Variants in COL22A1 observed in about 807,000 individuals in gnomAD.
The protein encoded by COL22A1 is collagen alpha-1(XXII) chain.
COL22A1 carries 221 observed loss-of-function variants against 248.9 expected under a neutral mutation model. The observed-to-expected ratio is 0.89, with a 90% CI of 0.80 to 0.99. COL22A1 has a LOEUF of 0.99. Ranked by LOEUF, COL22A1 falls within the 50% of genes least tolerant of loss-of-function variation. The probability of loss-of-function intolerance (pLI) is 0.00; values close to 1 mark genes in which losing one functional copy is unlikely to be tolerated. For missense variants in COL22A1, 2,240 were observed against 2,179.0 expected (o/e 1.03, Z -0.56); for synonymous variants, 891 against 793.4 (o/e 1.12, Z -2.07).
chr8:138,888,567 A>C (rs1024342926), intron 1 of COL22A1, among the ~76,000 whole-genome samples: 1 of 152,228 alleles, frequency 6.6e-6, no homozygotes, highest in African/African-American at 2.4e-5. Flanking sequence ...AAGTGCACTC[A>C]GGTCTTACCA....
In COL22A1 at chr8:138,710,175, G is replaced by C. The variant is rs28419605; in HGVS notation, c.2517+5507C>G. The stretch of plus-strand genomic sequence containing the variant: ...CAGCTCACAGCATGGCACAGAGATT[G>C]AGCAAGACCGTAAGGAGTACGGTGT... On this transcript the variant is annotated intron_variant, in intron 30 of 64. Coordinates refer to ENST00000303045, the MANE Select transcript of COL22A1 (RefSeq NM_152888.3). Among the ~76,000 whole-genome samples, 896 of 152,330 alleles carry C rather than the reference G, an allele frequency of 5.9e-3. 8 individuals are homozygous for C. The highest frequency in any genetic ancestry group is 0.021 in the African/African-American group (859 of 41,578).
chr8:138,652,609 T>C (rs983291368), intron 45 of COL22A1, among the ~76,000 whole-genome samples: 6 of 152,144 alleles, frequency 3.9e-5, no homozygotes, highest in Non-Finnish European at 2.9e-5. Flanking sequence ...TTGTGAAATT[T>C]AAATAAAATA....
rs149312345 is a variant in COL22A1 at position 138,648,596 on chromosome 8, C to T, written c.3447+1069G>A. ...AAGGCAAAGAAGGCTTTTTTTTTTC[C>T]AGTTTGATGACCCAGGAATGTCTTT... On this transcript the variant is annotated intron_variant, in intron 46 of 64. Coordinates refer to ENST00000303045, the MANE Select transcript of COL22A1 (RefSeq NM_152888.3). Among the ~76,000 whole-genome samples, 900 of 150,350 alleles carry T rather than the reference C, an allele frequency of 6.0e-3. 7 individuals are homozygous for T. Among genetic ancestry groups the T allele is most frequent in the African/African-American group, 0.021 (864 of 41,004 alleles).
intron 41 of COL22A1, 73 bp from the exon 42 acceptor site, chr8:138,663,813 T>TAAACA: frequency 1.7e-6 from 2 of 1,175,484 alleles, no homozygotes; most frequent in African/African-American, 1.5e-5. Flanking sequence ...TGGTGTTTAT[T>TAAACA]CCATAGACAG....
intron 6 of COL22A1, among the ~76,000 whole-genome samples, chr8:138,824,447 C>T (rs1446303936): frequency 6.6e-6 from 1 of 152,186 alleles, no homozygotes; most frequent in Non-Finnish European, 1.5e-5. Context: ...TCCACACTTG[C>T]CTGGATCACT....
chr8:138,802,830 G>A (rs368311432), intron 11 of COL22A1, 42 bp downstream of exon 11: 60 of 1,532,514 alleles, frequency 3.9e-5, no homozygotes, highest in Admixed American at 1.2e-4. Context: ...CCCCACGCCC[G>A]CCCTGAGGTT....
intron 62 of COL22A1, 46 bp from the exon 63 acceptor site, chr8:138,594,245 G>T (rs1817334541): frequency 6.6e-7 from 1 of 1,523,922 alleles, no homozygotes; most frequent in Non-Finnish European, 8.8e-7. Flanking sequence ...ACAGATAGTG[G>T]ACATAGGACA....
chr8:138,619,049 T>A (rs1819551585), intron 53 of COL22A1, among the ~76,000 whole-genome samples: 1 of 152,218 alleles, frequency 6.6e-6, no homozygotes, highest in South Asian at 2.1e-4. Flanking sequence ...ATTCTTTTTC[T>A]TATTATTACC....
chr8:138,797,150 T>G (rs944486411), intron 11 of COL22A1, among the ~76,000 whole-genome samples: 2 of 152,180 alleles, frequency 1.3e-5, no homozygotes, highest in African/African-American at 4.8e-5. Context: ...AAATGTACAA[T>G]TCAATGATTT....
chr8:138,737,551 A>G lies in COL22A1; in HGVS notation c.2112T>C (p.Pro704=). 5 of 1,612,094 alleles carry G rather than the reference A, an allele frequency of 3.1e-6. No individual in the cohort carries two copies. Among genetic ancestry groups the G allele is most frequent in the Non-Finnish European group, 4.2e-6 (5 of 1,178,152 alleles). ...GCAGCCCCAGCAATCCAGGGATTCC[A>G]GGTGGTCCCATGTCACCTTTCTTCC... The part of the protein sequence containing the change: ...LRGKKGDMGP[P]GIPGLLGLQG... The change falls in exon 23 of 65, where the codon CCT becomes CCC. Residue 704 remains proline (P), a synonymous_variant. Coordinates refer to ENST00000303045, the MANE Select transcript of COL22A1 (RefSeq NM_152888.3).
intron 1 of COL22A1, among the ~76,000 whole-genome samples, chr8:138,884,241 T>G (rs1472114813): frequency 6.6e-6 from 1 of 152,214 alleles, no homozygotes; most frequent in East Asian, 1.9e-4. Context: ...CCTGAGCTCC[T>G]CAGCAGGGGG....
chr8:138,816,410 C>T (rs995785005), intron 7 of COL22A1, among the ~76,000 whole-genome samples: 30 of 152,228 alleles, frequency 2.0e-4, no homozygotes, highest in African/African-American at 2.4e-4. Context: ...AGTCCTGCTC[C>T]GGTTTCTGCC....
At chr8:138,845,829 G>T (rs1161157653) in intron 3 of COL22A1, among the ~76,000 whole-genome samples, 1 of 152,114 alleles carries the variant, frequency 6.6e-6, no homozygotes, top group African/African-American at 2.4e-5. Context: ...CATAAATTTA[G>T]CACCCAAAGC....
intron 30 of COL22A1, among the ~76,000 whole-genome samples, chr8:138,714,119 G>A (rs559919340): frequency 3.3e-5 from 5 of 152,274 alleles, no homozygotes; most frequent in South Asian, 4.1e-4. Context: ...GAACCTGCCC[G>A]CATGTTGCCA....
chr8:138,712,978 T>C (rs1404589317), intron 30 of COL22A1, among the ~76,000 whole-genome samples: 1 of 152,194 alleles, frequency 6.6e-6, no homozygotes, highest in East Asian at 1.9e-4. Flanking sequence ...CAAATGGACG[T>C]ATCTTTGGTG....
chr8:138,882,698 T>C (rs1824323875), intron 2 of COL22A1, among the ~76,000 whole-genome samples: 1 of 144,166 alleles, frequency 6.9e-6, no homozygotes, highest in South Asian at 2.2e-4. Context: ...CCACACACTT[T>C]GTCAAACACA....
intron 1 of COL22A1, among the ~76,000 whole-genome samples, chr8:138,904,757 A>G (rs1487951470): frequency 1.3e-5 from 2 of 152,144 alleles, no homozygotes; most frequent in Non-Finnish European, 2.9e-5. Flanking sequence ...GTGAAGCAAT[A>G]TGTATAAATA....
At chr8:138,620,984 T>C (rs144467823) in intron 52 of COL22A1, among the ~76,000 whole-genome samples, 1,946 of 125,986 alleles carry the variant, frequency 0.015, 12 homozygotes, top group African/African-American at 0.02. Flanking sequence ...CATCCATCCA[T>C]CCATCCATCC....
intron 56 of COL22A1, among the ~76,000 whole-genome samples, chr8:138,610,694 A>G (rs1438793869): frequency 6.6e-6 from 1 of 152,152 alleles, no homozygotes; most frequent in African/African-American, 2.4e-5. Context: ...TGGTACGTGA[A>G]GCCCTGCACA....
Sources: allele counts gnomAD v4.1 joint callset (sites outside exome capture counted in the v4.1 genomes callset), GRCh38; gene constraint gnomAD v4.1.1; transcripts MANE v1.5; gene names NCBI Gene and HGNC (gene_info 2026-07-23, HGNC 2026-07-21).